The following MRC1 variants were observed in gnomAD, a reference collection of about 807,000 sequenced individuals.
MRC1 encodes macrophage mannose receptor 1.
In MRC1, 62 loss-of-function variants were observed where a neutral mutation model predicts 102.9. The observed-to-expected ratio is 0.60, with a 90% CI of 0.49 to 0.74. The LOEUF (loss-of-function observed/expected upper bound fraction) is 0.74, where lower values mean the gene tolerates loss of function less well. MRC1 is among the 30% of genes least tolerant of loss of function. The pLI, the probability that MRC1 is intolerant of heterozygous loss-of-function variation, is 0.00. For synonymous variants in MRC1, 457 were observed against 298.4 expected, an observed-to-expected ratio of 1.53 and a Z score of -5.48; for missense variants, 1,237 against 862.8, an observed-to-expected ratio of 1.43 and a Z score of -5.43.
At chr10:17,906,861 A>G (rs1426856121) in intron 26 of MRC1, 25 bp from the exon 27 acceptor site, 1 of 780,554 alleles carries the variant, frequency 1.3e-6, no homozygotes, top group South Asian at 1.3e-5. Context: ...TGCAGCTATC[A>G]TATTTATCCT....
chr10:17,887,541 A>T (rs1323482248), intron 22 of MRC1, among the ~76,000 whole-genome samples: 1 of 152,260 alleles, frequency 6.6e-6, no homozygotes, highest in African/African-American at 2.4e-5. Flanking sequence ...AGATAGCATT[A>T]GCTTAGATTT....
chr10:17,901,523 T>G (rs1833829281), intron 25 of MRC1, among the ~76,000 whole-genome samples: 2 of 152,040 alleles, frequency 1.3e-5, no homozygotes, highest in African/African-American at 4.8e-5. Flanking sequence ...ACCCCTTCTC[T>G]ACTAAAAATA....
chr10:17,809,979 A>G (rs1378340181), intron 1 of MRC1, among the ~76,000 whole-genome samples: 1 of 152,196 alleles, frequency 6.6e-6, no homozygotes, highest in African/African-American at 2.4e-5. Flanking sequence ...CGAGGGTATC[A>G]TCGCAGATCA....
intron 22 of MRC1, among the ~76,000 whole-genome samples, chr10:17,892,963 T>C (rs1833700779): frequency 1.3e-5 from 2 of 150,676 alleles, no homozygotes; most frequent in Admixed American, 1.3e-4. Flanking sequence ...TGAGCCAGGA[T>C]TGCGCCACTG....
At chr10:17,816,237 G>A (rs1838310355) in intron 1 of MRC1, among the ~76,000 whole-genome samples, 1 of 152,186 alleles carries the variant, frequency 6.6e-6, no homozygotes, top group Admixed American at 6.5e-5. Flanking sequence ...ATTTAACTGA[G>A]GCTGGTGAAC....
rs555082304 is a variant in MRC1, at chr10:17,810,174, G to C, written c.61+648G>C. 7.2e-5 allele frequency among the ~76,000 whole-genome samples: 11 copies of C among 152,240 alleles called. No individual in the cohort carries two copies. The South Asian group carries it at 2.3e-3, about 32-fold the overall frequency. On this transcript the variant is annotated intron_variant, in intron 1 of 29. Transcript: ENST00000569591. ...GATTAGAGATTACTCATTAGGAACA[G>C]CTCCAGAGTTGTTCAAATTCTCAAA... is the stretch of plus-strand genomic sequence containing the variant.
chr10:17,832,909 A>AG (rs1838600306), intron 3 of MRC1, among the ~76,000 whole-genome samples: 1 of 152,034 alleles, frequency 6.6e-6, no homozygotes, highest in African/African-American at 2.4e-5. Flanking sequence ...TTATATATGT[A>AG]GGGGGTATAT....
intron 18 of MRC1, among the ~76,000 whole-genome samples, chr10:17,878,586 GA>G (rs1833469213): frequency 6.6e-6 from 1 of 152,114 alleles, no homozygotes; most frequent in South Asian, 2.1e-4. Context: ...CTCATGTGCA[GA>G]TTTTTTTAGC....
chr10:17,902,244 A>G, intron 26 of MRC1, 122 bp downstream of exon 26: 1 of 646,662 alleles, frequency 1.5e-6, no homozygotes, highest in Non-Finnish European at 2.8e-6. Flanking sequence ...GATTTATTTT[A>G]TAACAGAATG....
intron 22 of MRC1, among the ~76,000 whole-genome samples, chr10:17,893,394 C>T (rs1028364778): frequency 6.6e-5 from 10 of 152,230 alleles, no homozygotes; most frequent in Non-Finnish European, 1.2e-4. Context: ...CAGGCTCAAG[C>T]GATCTTCTAG....
rs59778334 is a variant in MRC1 at position 17,819,453 on chromosome 10, A to ATGTGTGTGTG, written c.62-3593_62-3584dup. ...GGTATATGTATGAATTCAGAGTTGT[A>ATGTGTGTGTG]TGTGTGTGTGTGTGTGTGTGTGTGT... On this transcript the variant is annotated intron_variant, in intron 1 of 29. Transcript: ENST00000569591. 7.9e-3 allele frequency among the ~76,000 whole-genome samples: 1,150 copies of ATGTGTGTGTG among 145,742 alleles called. 12 individuals are homozygous for ATGTGTGTGTG. Among genetic ancestry groups the ATGTGTGTGTG allele is most frequent in the African/African-American group, 0.028 (1,101 of 39,260 alleles).
At chr10:17,863,069 A>G (rs933648499) in intron 10 of MRC1, 1 of 157,526 alleles carries the variant, frequency 6.3e-6, no homozygotes, top group Non-Finnish European at 1.4e-5. Flanking sequence ...AGAGAATAAA[A>G]TTGAGGGGGG....
intron 1 of MRC1, among the ~76,000 whole-genome samples, chr10:17,812,601 T>G (rs1838241325): frequency 7.2e-6 from 1 of 139,226 alleles, no homozygotes; most frequent in East Asian, 2.2e-4. Context: ...AGATGGAGTC[T>G]CTCTCTGTCA....
intron 4 of MRC1, among the ~76,000 whole-genome samples, chr10:17,838,709 C>A (rs1424518466): frequency 6.6e-6 from 1 of 152,140 alleles, no homozygotes; most frequent in Non-Finnish European, 1.5e-5. Flanking sequence ...CGCAGTGGCT[C>A]ACGCCTGTAA....
intron 24 of MRC1, among the ~76,000 whole-genome samples, 190 bp downstream of exon 24, chr10:17,898,456 G>A (rs1468085737): frequency 6.6e-6 from 1 of 152,188 alleles, no homozygotes; most frequent in Non-Finnish European, 1.5e-5. Flanking sequence ...GCAAGCTAGT[G>A]ATATGTGTCA....
intron 4 of MRC1, among the ~76,000 whole-genome samples, chr10:17,839,574 TGAG>T (rs1838719415): frequency 2.0e-5 from 3 of 152,104 alleles, no homozygotes; most frequent in Admixed American, 6.5e-5. Context: ...TTTAGGAGAC[TGAG>T]GTAGGAGGAA....
chr10:17,856,063 G>C (rs1289114554), intron 8 of MRC1, among the ~76,000 whole-genome samples, 179 bp from the exon 9 acceptor site: 1 of 151,574 alleles, frequency 6.6e-6, no homozygotes, highest in Non-Finnish European at 1.5e-5. Flanking sequence ...CTAGCTACTA[G>C]GGGGGCTGAG....
At chr10:17,861,578 G>A in intron 10 of MRC1, 76 bp downstream of exon 10, 1 of 754,716 alleles carries the variant, frequency 1.3e-6, no homozygotes. Context: ...GTATCAACAT[G>A]CTCTAAATTT....
intron 7 of MRC1, 126 bp from the exon 8 acceptor site, chr10:17,852,841 A>G: frequency 1.3e-6 from 1 of 764,170 alleles, no homozygotes; most frequent in South Asian, 1.4e-5. Context: ...ACTATCTTTC[A>G]TGATGGTGAT....
Sources: allele counts gnomAD v4.1 joint callset (sites outside exome capture counted in the v4.1 genomes callset), GRCh38; gene constraint gnomAD v4.1.1; transcripts MANE v1.5; gene names NCBI Gene and HGNC (gene_info 2026-07-23, HGNC 2026-07-21).